The following NIPBL variants were observed in gnomAD, a reference collection of about 807,000 sequenced individuals.
The protein encoded by NIPBL is NIPBL cohesin loading factor.
NIPBL carries 19 observed loss-of-function variants against 321.8 expected under a neutral mutation model. The observed-to-expected ratio is 0.06, with a 90% CI of 0.04 to 0.09. The LOEUF (loss-of-function observed/expected upper bound fraction) is 0.09, where lower values mean the gene tolerates loss of function less well. Ranked by LOEUF, NIPBL falls within the 10% of genes least tolerant of loss-of-function variation. The pLI is 1.00. For synonymous variants in NIPBL, 1,106 were observed against 1,114.1 expected (o/e 0.99, Z 0.14); for missense variants, 2,210 against 3,327.0 (o/e 0.66, Z 8.26).
chr5:36,968,479 G>A (rs1244873623), intron 6 of NIPBL, among the ~76,000 whole-genome samples: 1 of 152,090 alleles, frequency 6.6e-6, no homozygotes, highest in Non-Finnish European at 1.5e-5. Context: ...TGAGGCAGGA[G>A]AATGGGGTTA....
chr5:37,000,336 A>G, intron 11 of NIPBL, 37 bp from the exon 12 acceptor site: 1 of 1,590,872 alleles, frequency 6.3e-7, no homozygotes, highest in Non-Finnish European at 8.6e-7. Flanking sequence ...ATCTTTTTAA[A>G]TGAGGTAAAT....
At chr5:36,877,199 T>TCGGCGG (rs964914981) in intron 1 of NIPBL, 21 bp downstream of exon 1, 37 of 187,732 alleles carry the variant, frequency 2.0e-4, no homozygotes, top group East Asian at 1.9e-3. Context: ...GCTCTTTATT[T>TCGGCGG]CGGCGGCGGC....
At chr5:36,992,754 A>T (rs1745686877) in intron 10 of NIPBL, among the ~76,000 whole-genome samples, 1 of 148,154 alleles carries the variant, frequency 6.7e-6, no homozygotes, top group African/African-American at 2.5e-5. Context: ...TTATTTATTT[A>T]TTTATTGAGA....
In NIPBL at chr5:36,905,188, G is replaced by C. The variant is rs138682213; in HGVS notation, c.-80+28010G>C. Among the ~76,000 whole-genome samples the C allele has an allele frequency of 7.2e-5, 11 of 152,312 alleles. No homozygotes were observed. In the East Asian group the frequency reaches 2.1e-3, roughly 29 times the overall value. On this transcript the variant is annotated intron_variant, in intron 1 of 46. Transcript: ENST00000282516. ...AACAGAAATATGTAGCTTGTCAGCAGTTAGTTGGAAAGGGGTAATAAGCAA... is the reference window on the plus strand; with the variant it reads ...AACAGAAATATGTAGCTTGTCAGCACTTAGTTGGAAAGGGGTAATAAGCAA...
chr5:36,998,056 G>A, intron 11 of NIPBL, among the ~76,000 whole-genome samples: 1 of 152,078 alleles, frequency 6.6e-6, no homozygotes, highest in Non-Finnish European at 1.5e-5. Flanking sequence ...GGGTGCCTGG[G>A]GAAAATGGAG....
intron 1 of NIPBL, among the ~76,000 whole-genome samples, chr5:36,916,896 A>G (rs1232242083): frequency 1.3e-5 from 2 of 152,048 alleles, no homozygotes; most frequent in African/African-American, 2.4e-5. Context: ...AATCCAGTCT[A>G]TCATTGTTGG....
At chr5:37,043,273 T>C (rs900440330) in intron 34 of NIPBL, among the ~76,000 whole-genome samples, 6 of 152,110 alleles carry the variant, frequency 3.9e-5, no homozygotes, top group African/African-American at 1.4e-4. Flanking sequence ...CTCACACCTG[T>C]AATCCCAGCA....
At chr5:36,971,282 G>A (rs1042475183) in intron 7 of NIPBL, among the ~76,000 whole-genome samples, 117 of 148,584 alleles carry the variant, frequency 7.9e-4, no homozygotes, top group African/African-American at 2.8e-3. Context: ...AAAAAAAAAT[G>A]TGATAGAGAC....
intron 10 of NIPBL, among the ~76,000 whole-genome samples, chr5:36,987,518 T>C (rs975014357): frequency 6.6e-6 from 1 of 152,208 alleles, no homozygotes; most frequent in Non-Finnish European, 1.5e-5. Context: ...CATAACATGC[T>C]GTTGTAGCTT....
rs145501067 is a variant in NIPBL, at chr5:36,972,001, G to A, written c.828G>A (p.Gln276=). The change falls in exon 8 of 47, where the codon CAG becomes CAA. Residue 276 remains glutamine (Q), a synonymous_variant. Transcript: ENST00000282516. ...CATCTTTTCCCTTGAGATCTCCACAGCCAGTATGCTCCCCTGCTGGAAGTG... is the reference window on the plus strand; with the variant it reads ...CATCTTTTCCCTTGAGATCTCCACAACCAGTATGCTCCCCTGCTGGAAGTG... ...NAASFPLRSP[Q]PVCSPAGSEG... The A allele has an allele frequency of 5.6e-6, 9 of 1,613,348 alleles. No homozygotes were observed. The highest frequency in any genetic ancestry group is 6.8e-6 in the Non-Finnish European group (8 of 1,179,564).
At chr5:36,982,625 CAT>C (rs1440403721) in intron 9 of NIPBL, among the ~76,000 whole-genome samples, 10 of 151,898 alleles carry the variant, frequency 6.6e-5, no homozygotes, top group African/African-American at 2.4e-4. Flanking sequence ...TCATAGGATT[CAT>C]AGTTTAAATA....
chr5:36,910,182 CAAAT>C (rs1404756332), intron 1 of NIPBL, among the ~76,000 whole-genome samples: 7 of 151,722 alleles, frequency 4.6e-5, no homozygotes, highest in Non-Finnish European at 8.8e-5. Flanking sequence ...ATTGTTGAAA[CAAAT>C]AAATAAAAAA....
chr5:37,010,472 C>T (rs556629630), intron 21 of NIPBL, among the ~76,000 whole-genome samples: 11 of 152,224 alleles, frequency 7.2e-5, no homozygotes, highest in South Asian at 4.2e-4. Context: ...CGCACCACCA[C>T]GCCCGGCTAA....
chr5:37,010,046 T>C, intron 20 of NIPBL, 41 bp from the exon 21 acceptor site: 1 of 1,471,518 alleles, frequency 6.8e-7, no homozygotes, highest in Non-Finnish European at 9.5e-7. Context: ...TTAAATGAGA[T>C]TATCTTGATA....
intron 43 of NIPBL, among the ~76,000 whole-genome samples, chr5:37,058,027 G>A (rs1295934187): frequency 1.3e-5 from 2 of 152,170 alleles, no homozygotes; most frequent in African/African-American, 4.8e-5. Context: ...AAATCAGACA[G>A]ATTATTTTAG....
intron 34 of NIPBL, among the ~76,000 whole-genome samples, chr5:37,043,315 G>T (rs960899189): frequency 1.3e-5 from 2 of 151,882 alleles, no homozygotes; most frequent in African/African-American, 4.8e-5. Flanking sequence ...GGATCACGAG[G>T]TCGTGAGTCC....
chr5:36,958,783 G>A (rs1180223064), intron 4 of NIPBL, among the ~76,000 whole-genome samples: 3 of 152,130 alleles, frequency 2.0e-5, no homozygotes, highest in Admixed American at 2.0e-4. Flanking sequence ...TGGGTTAAGA[G>A]CATTGTTCTG....
chr5:37,049,393 G>A (rs964907887), intron 40 of NIPBL, 92 bp downstream of exon 40: 23 of 1,357,366 alleles, frequency 1.7e-5, no homozygotes, highest in Admixed American at 5.0e-5. Context: ...GTAGTTCTTC[G>A]TTCCTCTTAC....
intron 32 of NIPBL, among the ~76,000 whole-genome samples, chr5:37,035,161 C>A (rs1050646924): frequency 2.0e-5 from 3 of 152,204 alleles, no homozygotes; most frequent in Non-Finnish European, 4.4e-5. Context: ...CGATGGCTCA[C>A]GCCTGTGGTC....
Sources: gnomAD v4.1 joint callset for allele counts (sites outside exome capture counted in the v4.1 genomes callset) on GRCh38, gnomAD v4.1.1 for gene constraint, MANE v1.5 for transcripts, NCBI Gene and HGNC (gene_info 2026-07-23, HGNC 2026-07-21) for gene names.